The following BANP variants were observed in gnomAD, a reference collection of about 807,000 sequenced individuals.
BANP encodes protein BANP.
Under a neutral mutation model 68.1 loss-of-function variants are expected in BANP, and 11 were observed. The ratio of observed to expected loss-of-function variants is 0.16; its 90% CI spans 0.10 to 0.27. The LOEUF is 0.27. Among genes scored for constraint, BANP ranks in the 10% least tolerant of loss-of-function variants. The probability of loss-of-function intolerance (pLI) is 1.00; values close to 1 mark genes in which losing one functional copy is unlikely to be tolerated. For missense variants in BANP, 504 were observed against 722.7 expected, an observed-to-expected ratio of 0.70 and a Z score of 3.47; for synonymous variants, 329 against 303.2, an observed-to-expected ratio of 1.09 and a Z score of -0.88.
Position 88,064,225 on chromosome 16 carries a change from G to A in BANP, c.1312-1042G>A, listed in dbSNP as rs117474516. Among the ~76,000 whole-genome samples, 234 of 152,220 alleles carry A rather than the reference G, an allele frequency of 1.5e-3. 4 individuals carry two copies. The East Asian group carries it at 0.04, about 26-fold the overall frequency. Reference sequence around the variant, plus strand: ...GGGGAGCAGGGGGGGAGAGTGGACAGCGAGGCGGTGGATGTTGAGGCAGTT... The same window carrying A: ...GGGGAGCAGGGGGGGAGAGTGGACAACGAGGCGGTGGATGTTGAGGCAGTT... On this transcript the variant is annotated intron_variant, in intron 11 of 13. Transcript: ENST00000682872. The surrounding 1 kb of genome is among the most constrained non-coding windows in gnomAD (Gnocchi z 4.5).
At chr16:87,981,360 T>G (rs965995541) in intron 3 of BANP, among the ~76,000 whole-genome samples, 34 of 152,232 alleles carry the variant, frequency 2.2e-4, no homozygotes, top group African/African-American at 7.7e-4. Context: ...CTTGTGGGGC[T>G]CCTTCCAGCT....
chr16:88,051,501 G>A (rs1444709905), intron 11 of BANP, among the ~76,000 whole-genome samples: 1 of 152,168 alleles, frequency 6.6e-6, no homozygotes, highest in Non-Finnish European at 1.5e-5. Context: ...TAGGCACATG[G>A]GAAGTGCGGC....
At chr16:88,059,747 A>G (rs537951405) in intron 11 of BANP, among the ~76,000 whole-genome samples, 31 of 152,284 alleles carry the variant, frequency 2.0e-4, no homozygotes, top group Middle Eastern at 6.8e-3. Flanking sequence ...GCGTCCTGTC[A>G]GGGCCCTACC....
At chr16:88,040,538 C>T (rs887586591) in intron 11 of BANP, among the ~76,000 whole-genome samples, 10 of 150,042 alleles carry the variant, frequency 6.7e-5, no homozygotes, top group Non-Finnish European at 8.8e-5. Flanking sequence ...TCCCCGTCCC[C>T]GTGCCTACAG....
chr16:88,006,082 C>T lies in BANP; in HGVS notation c.480-8C>T. The T allele has an allele frequency of 1.2e-6, 2 of 1,613,530 alleles. No homozygotes were observed. The highest frequency in any genetic ancestry group is 1.1e-5 in the South Asian group (1 of 91,044). ...ACATCGGGCTGGTGTGTTTTTTTTC[C>T]CGTTTAGCGCTGTGCCTGGGCGTCG... On this transcript the variant is annotated splice_polypyrimidine_tract_variant and splice_region_variant and intron_variant, in intron 5 of 13. Transcript: ENST00000682872.
chr16:88,049,818 C>T (rs1016974393), intron 11 of BANP, among the ~76,000 whole-genome samples: 1 of 152,232 alleles, frequency 6.6e-6, no homozygotes, highest in Non-Finnish European at 1.5e-5. Flanking sequence ...AGCCACACGG[C>T]ATCCGACGAA....
At chr16:88,060,205 G>C (rs1053778590) in intron 11 of BANP, among the ~76,000 whole-genome samples, 1 of 152,264 alleles carries the variant, frequency 6.6e-6, no homozygotes, top group Non-Finnish European at 1.5e-5. Context: ...ATGTTTCTAA[G>C]CATAACGTAG....
In BANP at chr16:88,043,955, T is replaced by C. The variant is rs560912563; in HGVS notation, c.1311+5944T>C. ...GGAGGTGGATGACTTTATTTTTGAGTGCATTTTAAATGAAAATTGATGGTT... is the reference window on the plus strand; with the variant it reads ...GGAGGTGGATGACTTTATTTTTGAGCGCATTTTAAATGAAAATTGATGGTT... On this transcript the variant is annotated intron_variant, in intron 11 of 13. Coordinates refer to ENST00000682872, the MANE Select transcript of BANP (RefSeq NM_001386991.1). Among the ~76,000 whole-genome samples, 122 of 152,170 alleles carry C rather than the reference T, an allele frequency of 8.0e-4. 1 individual carries two copies. Among genetic ancestry groups the C allele is most frequent in the Non-Finnish European group, 2.6e-4 (18 of 68,038 alleles).
chr16:87,971,189 T>C (rs2061048834), intron 1 of BANP, among the ~76,000 whole-genome samples: 1 of 152,194 alleles, frequency 6.6e-6, no homozygotes, highest in African/African-American at 2.4e-5. Context: ...GTTACATTTG[T>C]TTTTTATATG....
intron 1 of BANP, among the ~76,000 whole-genome samples, chr16:87,965,996 G>T (rs1006621359): frequency 6.6e-6 from 1 of 152,184 alleles, no homozygotes. Flanking sequence ...TGGATGTGTT[G>T]GCACACCTGG....
intron 2 of BANP, 65 bp downstream of exon 2, chr16:87,975,250 T>C (rs1323805359): frequency 6.7e-7 from 1 of 1,502,088 alleles, no homozygotes; most frequent in Non-Finnish European, 9.2e-7. Flanking sequence ...CAAAAGCTGC[T>C]CCAGTTATTT....
intron 1 of BANP, among the ~76,000 whole-genome samples, chr16:87,974,171 T>C (rs910826142): frequency 6.6e-6 from 1 of 152,232 alleles, no homozygotes; most frequent in African/African-American, 2.4e-5. Flanking sequence ...AAAAACATGA[T>C]GGTCACATTC....
intron 11 of BANP, among the ~76,000 whole-genome samples, chr16:88,060,179 C>T (rs965504513): frequency 1.3e-5 from 2 of 152,246 alleles, no homozygotes; most frequent in African/African-American, 4.8e-5. Flanking sequence ...CCTGTCGGCA[C>T]GAGTGGCAAG....
At chr16:88,027,224 G>A (rs1238034607) in intron 7 of BANP, among the ~76,000 whole-genome samples, 1 of 152,226 alleles carries the variant, frequency 6.6e-6, no homozygotes, top group African/African-American at 2.4e-5. Flanking sequence ...CAGAGGGATC[G>A]AGAAGTTAAG....
intron 6 of BANP, among the ~76,000 whole-genome samples, chr16:88,013,811 C>A (rs1310151752): frequency 1.3e-5 from 2 of 152,230 alleles, no homozygotes; most frequent in Admixed American, 6.5e-5. Context: ...CCTGCCACTG[C>A]TAATGCTGCT....
chr16:87,959,347 T>C (rs1464938252), intron 1 of BANP, among the ~76,000 whole-genome samples: 1 of 152,216 alleles, frequency 6.6e-6, no homozygotes, highest in Non-Finnish European at 1.5e-5. Flanking sequence ...TAGAAGCAGG[T>C]GGAGAGCTGG....
chr16:88,007,396 C>G (rs1011545099), intron 6 of BANP, among the ~76,000 whole-genome samples: 1 of 152,132 alleles, frequency 6.6e-6, no homozygotes, highest in Non-Finnish European at 1.5e-5. Context: ...ACTTGGACTC[C>G]TAGCGGGGGC....
intron 1 of BANP, among the ~76,000 whole-genome samples, chr16:87,967,014 G>A (rs1000357750): frequency 6.6e-6 from 1 of 152,208 alleles, no homozygotes; most frequent in Non-Finnish European, 1.5e-5. Context: ...GGAGGAGCAC[G>A]GAAGAAGGGA....
chr16:88,020,327 C>G (rs1473134348), intron 7 of BANP, among the ~76,000 whole-genome samples: 1 of 152,240 alleles, frequency 6.6e-6, no homozygotes, highest in East Asian at 1.9e-4. Flanking sequence ...GCCCACCACC[C>G]CCTCCACCCT....
Sources: allele counts gnomAD v4.1 joint callset (sites outside exome capture counted in the v4.1 genomes callset), GRCh38; gene constraint gnomAD v4.1.1; non-coding constraint Gnocchi (gnomAD v3.1); transcripts MANE v1.5; gene names NCBI Gene and HGNC (gene_info 2026-07-23, HGNC 2026-07-21).